Variants in SF3B3 observed in about 807,000 individuals in gnomAD.
The protein encoded by SF3B3 is SAP 130.
Under a neutral mutation model 139.2 loss-of-function variants are expected in SF3B3, and 33 were observed. The observed-to-expected ratio is 0.24, with a 90% CI of 0.18 to 0.32. The LOEUF (loss-of-function observed/expected upper bound fraction) is 0.32, where lower values mean the gene tolerates loss of function less well. SF3B3 is among the 10% of genes least tolerant of loss of function. The pLI is 1.00. For missense variants in SF3B3, 818 were observed against 1,509.4 expected (o/e 0.54, Z 7.59); for synonymous variants, 596 against 563.6 (o/e 1.06, Z -0.81).
chr16:70,535,804 T>C (rs1404490952), intron 6 of SF3B3, among the ~76,000 whole-genome samples: 1 of 152,092 alleles, frequency 6.6e-6, no homozygotes, highest in Non-Finnish European at 1.5e-5. Context: ...ACAGAAAGTT[T>C]AAAAACAATG....
Position 70,572,196 on chromosome 16 carries a change from G to A in SF3B3, c.*383G>A, listed in dbSNP as rs1597726509. 2 of 455,392 alleles carry A rather than the reference G, an allele frequency of 4.4e-6. No individual in the cohort carries two copies. The highest frequency in any genetic ancestry group is 8.8e-6 in the Non-Finnish European group (2 of 226,904). 28.2% of individuals were successfully genotyped at this position (455,392 alleles called of 1,614,324 possible). ...TTTGTACAATGTTATCTCTGTGGGAGGAAGGAGGCAGGCTGTGGTGGGACT... is the reference window on the plus strand; with the variant it reads ...TTTGTACAATGTTATCTCTGTGGGAAGAAGGAGGCAGGCTGTGGTGGGACT... On this transcript the variant is annotated 3_prime_UTR_variant, in exon 26 of 26. Coordinates refer to ENST00000302516, the MANE Select transcript of SF3B3 (RefSeq NM_012426.5).
Position 70,577,503 on chromosome 16 carries a change from G to A in SF3B3, c.*5690G>A, listed in dbSNP as rs1348166027. ...CCTGTGTGGCCACTGCCTTGGGGAC[G>A]GGTGAGGAGTTAGCCTGGAACATTC... On this transcript the variant is annotated 3_prime_UTR_variant, in exon 26 of 26. Coordinates refer to ENST00000302516, the MANE Select transcript of SF3B3 (RefSeq NM_012426.5). 1.3e-5 allele frequency: 2 copies of A among 152,222 alleles called. No homozygotes were observed. Among genetic ancestry groups the A allele is most frequent in the African/African-American group, 4.8e-5 (2 of 41,434 alleles). The allele number at this position is 152,222 out of a possible 1,614,324, so 9.4% of individuals were successfully genotyped here.
At position 70,554,433 on chromosome 16, in the gene SF3B3, T is replaced by G; in HGVS notation, c.1403-13T>G. 6.2e-7 allele frequency: 1 copy of G among 1,613,718 alleles called. No homozygotes were observed. Among genetic ancestry groups the G allele is most frequent in the Non-Finnish European group, 8.5e-7 (1 of 1,179,704 alleles). On this transcript the variant is annotated splice_polypyrimidine_tract_variant and intron_variant, in intron 11 of 25. Coordinates refer to ENST00000302516, the MANE Select transcript of SF3B3 (RefSeq NM_012426.5). ...AGTTCTTATCTAACCAACTCCCTTCTTTTCTTTTTCAGATGAGTTTGATGC... is the reference window on the plus strand; with the variant it reads ...AGTTCTTATCTAACCAACTCCCTTCGTTTCTTTTTCAGATGAGTTTGATGC...
chr16:70,531,132 C>T (rs1002215467), intron 4 of SF3B3, among the ~76,000 whole-genome samples: 7 of 152,080 alleles, frequency 4.6e-5, no homozygotes, highest in East Asian at 2.0e-4. Flanking sequence ...AGCCGGGCAT[C>T]GTGGCGGGCG....
At position 70,541,664 on chromosome 16, in the gene SF3B3, C is replaced by T; in HGVS notation, c.1068-5C>T. The T allele has an allele frequency of 6.2e-7, 1 of 1,612,424 alleles. No homozygotes were observed. Among genetic ancestry groups the T allele is most frequent in the East Asian group, 2.2e-5 (1 of 44,862 alleles). ...CGAAAGTTTCTCTCCTCTGCTTCTT[C>T]CCAGTTACTTATATCAAATTGCACA... On this transcript the variant is annotated splice_region_variant and splice_polypyrimidine_tract_variant and intron_variant, in intron 8 of 25. Coordinates refer to ENST00000302516, the MANE Select transcript of SF3B3 (RefSeq NM_012426.5).
chr16:70,572,761 A>G lies in SF3B3; in HGVS notation c.*948A>G, dbSNP rs1216335986. ...CTGTGTATATGTGGGGCCTGTCTGC[A>G]GCACCCATCTCAGGTGGGTTCCAGA... On this transcript the variant is annotated 3_prime_UTR_variant, in exon 26 of 26. Transcript: ENST00000302516. The G allele has an allele frequency of 6.6e-6, 1 of 152,204 alleles. No individual in the cohort carries two copies. Among genetic ancestry groups the G allele is most frequent in the Non-Finnish European group, 1.5e-5 (1 of 68,088 alleles). 9.4% of individuals were successfully genotyped at this position (152,204 alleles called of 1,614,324 possible). A position where few individuals can be genotyped will look rare whatever the true frequency, so the allele number is the denominator to read the frequency against.
chr16:70,548,146 C>A (rs1410545832), intron 10 of SF3B3, among the ~76,000 whole-genome samples: 1 of 152,110 alleles, frequency 6.6e-6, no homozygotes, highest in Non-Finnish European at 1.5e-5. Context: ...AGCAACTGTA[C>A]CCTCTCAGAC....
At chr16:70,551,121 C>T (rs145674065) in intron 11 of SF3B3, among the ~76,000 whole-genome samples, 191 of 152,234 alleles carry the variant, frequency 1.3e-3, no homozygotes, top group Admixed American at 4.5e-3. Context: ...GATGGTCGCT[C>T]ACTTTACCTT....
intron 6 of SF3B3, 75 bp downstream of exon 6, chr16:70,535,495 A>G: frequency 1.3e-6 from 1 of 757,792 alleles, no homozygotes; most frequent in Non-Finnish European, 2.1e-6. Context: ...TTAGTTTGTT[A>G]CCAATTTAGT....
Position 70,560,421 on chromosome 16 carries a change from G to T in SF3B3, c.2011-48G>T, listed in dbSNP as rs768319694. 3.1e-6 allele frequency: 5 copies of T among 1,600,338 alleles called. No homozygotes were observed. The South Asian group carries it at 5.6e-5, about 18-fold the overall frequency. On this transcript the variant is annotated intron_variant, in intron 15 of 25. Transcript: ENST00000302516. ...CCAAGGGAGAGGTTTTCCCATCATA[G>T]CTGATAAGCTTCCATCAGGCTTCAC...
In SF3B3 at chr16:70,526,456, C is replaced by G. The variant is rs868004792; in HGVS notation, c.-70-131C>G. 7.6e-6 allele frequency: 4 copies of G among 527,104 alleles called. No individual in the cohort carries two copies. In the South Asian group the frequency reaches 1.1e-4, roughly 15 times the overall value. The allele number at this position is 527,104 out of a possible 1,614,324, so 32.7% of individuals were successfully genotyped here. ...CTCCTGACCTCGTGAGCCACCACGC[C>G]CGGTCACATATGTTGTTTCTTAATA... On this transcript the variant is annotated intron_variant, in intron 1 of 25. Coordinates refer to ENST00000302516, the MANE Select transcript of SF3B3 (RefSeq NM_012426.5).
Position 70,565,085 on chromosome 16 carries a change from G to A in SF3B3, c.2484G>A (p.Gly828=). 3 of 1,613,646 alleles carry A rather than the reference G, an allele frequency of 1.9e-6. No individual in the cohort carries two copies. The highest frequency in any genetic ancestry group is 1.1e-5 in the South Asian group (1 of 91,060). The change falls in exon 19 of 26, where the codon GGG becomes GGA. Residue 828 remains glycine, a synonymous_variant. Transcript: ENST00000302516. ...TTTAGGAAATGGTGGAAGCAGCAGGGGAGGATGAGCGGGAGCTGGCCGCAG... is the reference window on the plus strand; with the variant it reads ...TTTAGGAAATGGTGGAAGCAGCAGGAGAGGATGAGCGGGAGCTGGCCGCAG... ...QMAEEMVEAA[G]EDERELAAEM...
chr16:70,562,507 C>G (rs533681302), intron 17 of SF3B3, among the ~76,000 whole-genome samples: 10 of 152,258 alleles, frequency 6.6e-5, no homozygotes, highest in Admixed American at 2.0e-4. Flanking sequence ...TTGTATTTAT[C>G]TTCTGCTCCA....
At chr16:70,546,334 G>A (rs1221058167) in intron 10 of SF3B3, among the ~76,000 whole-genome samples, 1 of 152,232 alleles carries the variant, frequency 6.6e-6, no homozygotes, top group Non-Finnish European at 1.5e-5. Context: ...AGCATATGAT[G>A]AAAGCTAGTG....
intron 17 of SF3B3, among the ~76,000 whole-genome samples, chr16:70,562,562 T>C (rs1185408692): frequency 3.3e-5 from 5 of 152,342 alleles, no homozygotes; most frequent in Admixed American, 6.5e-5. Context: ...TTAATATTTT[T>C]TTAATCTCTA....
At chr16:70,567,903 T>C (rs2050492431) in intron 21 of SF3B3, among the ~76,000 whole-genome samples, 1 of 152,182 alleles carries the variant, frequency 6.6e-6, no homozygotes, top group African/African-American at 2.4e-5. Flanking sequence ...GCCAGGCTAG[T>C]CTCTTAACTC....
rs1382343581 is a variant in SF3B3 at position 70,573,763 on chromosome 16, A to T, written c.*1950A>T. 1 of 152,234 alleles carries T rather than the reference A, an allele frequency of 6.6e-6. No individual in the cohort carries two copies. The highest frequency in any genetic ancestry group is 1.5e-5 in the Non-Finnish European group (1 of 68,058). The allele number at this position is 152,234 out of a possible 1,614,324, so 9.4% of individuals were successfully genotyped here. On this transcript the variant is annotated 3_prime_UTR_variant, in exon 26 of 26. Transcript: ENST00000302516. ...CAAAACCCATCAGAGGCTGCTGCAG[A>T]ACTCAGACAGAGGGATCTGCCCTTG...
chr16:70,572,991 C>T lies in SF3B3; in HGVS notation c.*1178C>T, dbSNP rs999791280. On this transcript the variant is annotated 3_prime_UTR_variant, in exon 26 of 26. Coordinates refer to ENST00000302516, the MANE Select transcript of SF3B3 (RefSeq NM_012426.5). The stretch of plus-strand genomic sequence containing the variant: ...AAACTTTCTTTCGTCTGCATGTGCT[C>T]AGCCATCTAAATTGAGCAAATGATC... The T allele has an allele frequency of 6.6e-5, 10 of 152,162 alleles. No individual in the cohort carries two copies. The highest frequency in any genetic ancestry group is 2.4e-4 in the African/African-American group (10 of 41,432). The allele number at this position is 152,162 out of a possible 1,614,324, so 9.4% of individuals were successfully genotyped here.
chr16:70,568,624 C>G, intron 22 of SF3B3, 129 bp downstream of exon 22: 2 of 710,358 alleles, frequency 2.8e-6, no homozygotes, highest in Non-Finnish European at 2.4e-6. Flanking sequence ...CCTACTAAAG[C>G]TAACTCTACA....
Sources: gnomAD v4.1 joint callset for allele counts (sites outside exome capture counted in the v4.1 genomes callset) on GRCh38, gnomAD v4.1.1 for gene constraint, MANE v1.5 for transcripts, NCBI Gene and HGNC (gene_info 2026-07-23, HGNC 2026-07-21) for gene names.